Variants in PRKD1 observed in about 807,000 individuals in gnomAD.
PRKD1 encodes the protein protein kinase D1.
In PRKD1, 63 loss-of-function variants were observed where a neutral mutation model predicts 95.9. The ratio of observed to expected loss-of-function variants is 0.66; its 90% CI spans 0.54 to 0.81. The LOEUF is 0.81. PRKD1 is among the 30% of genes least tolerant of loss of function. The probability of loss-of-function intolerance (pLI) is 0.00; values close to 1 mark genes in which losing one functional copy is unlikely to be tolerated. For missense variants in PRKD1, 1,048 were observed against 1,165.3 expected, an observed-to-expected ratio of 0.90 and a Z score of 1.47; for synonymous variants, 425 against 423.1, an observed-to-expected ratio of 1.00 and a Z score of -0.05.
chr14:29,589,736 TTTTA>T (rs556971017), intron 16 of PRKD1, among the ~76,000 whole-genome samples: 300 of 152,272 alleles, frequency 2.0e-3, no homozygotes, highest in Non-Finnish European at 3.8e-3. Flanking sequence ...TGCCATGCCC[TTTTA>T]TTTTTATTAG....
intron 2 of PRKD1, among the ~76,000 whole-genome samples, chr14:29,667,194 G>A (rs1882571923): frequency 6.6e-6 from 1 of 152,068 alleles, no homozygotes; most frequent in Admixed American, 6.6e-5. Flanking sequence ...AGAAGACCTG[G>A]GGGAAGCCTG....
rs568905056 is a variant in PRKD1, at chr14:29,805,206, T to C, written c.265-79532A>G. Among the ~76,000 whole-genome samples, 429 of 152,350 alleles carry C rather than the reference T, an allele frequency of 2.8e-3. 3 individuals carry two copies. The highest frequency in any genetic ancestry group is 0.027 in the Middle Eastern group (8 of 294). On this transcript the variant is annotated intron_variant, in intron 1 of 17. Transcript: ENST00000331968. The stretch of plus-strand genomic sequence containing the variant: ...CTATTAATAGTAAGCAGGTGACACC[T>C]GCAGTAGCAAGATGTTGAACTCCAT...
chr14:29,594,245 C>A, intron 16 of PRKD1: 1 of 358,704 alleles, frequency 2.8e-6, no homozygotes, highest in African/African-American at 2.2e-5. Flanking sequence ...AAGATTGTAA[C>A]TTATAACATT....
chr14:29,756,308 T>C (rs903128841), intron 1 of PRKD1, among the ~76,000 whole-genome samples: 1 of 152,134 alleles, frequency 6.6e-6, no homozygotes, highest in African/African-American at 2.4e-5. Flanking sequence ...CCAAAGTCTG[T>C]TTGAAGTGTT....
chr14:29,830,867 T>C (rs186502969), intron 1 of PRKD1, among the ~76,000 whole-genome samples: 223 of 152,164 alleles, frequency 1.5e-3, no homozygotes, highest in African/African-American at 4.9e-3. Flanking sequence ...TAATTTTTTG[T>C]AGAAACGGGG....
chr14:29,925,880 G>T (rs1895277294), intron 1 of PRKD1, among the ~76,000 whole-genome samples: 1 of 152,178 alleles, frequency 6.6e-6, no homozygotes, highest in Non-Finnish European at 1.5e-5. Flanking sequence ...TGTATACAAG[G>T]CTTTCACAGT....
intron 4 of PRKD1, among the ~76,000 whole-genome samples, chr14:29,649,916 A>G (rs1400282196): frequency 6.6e-6 from 1 of 152,162 alleles, no homozygotes; most frequent in Non-Finnish European, 1.5e-5. Flanking sequence ...TGCTTAGAGC[A>G]TACAGCCTCT....
chr14:29,682,708 A>C (rs1883605565), intron 2 of PRKD1, among the ~76,000 whole-genome samples: 1 of 152,182 alleles, frequency 6.6e-6, no homozygotes, highest in African/African-American at 2.4e-5. Flanking sequence ...AAAATGTATA[A>C]ACACAATTAT....
At chr14:29,654,909 T>C (rs542620575) in intron 4 of PRKD1, among the ~76,000 whole-genome samples, 3 of 152,334 alleles carry the variant, frequency 2.0e-5, no homozygotes, top group African/African-American at 4.8e-5. Flanking sequence ...GAAAAGTCTG[T>C]TATCTTTTTG....
chr14:29,733,015 T>C (rs1477999689), intron 1 of PRKD1, among the ~76,000 whole-genome samples: 1 of 151,482 alleles, frequency 6.6e-6, no homozygotes, highest in Non-Finnish European at 1.5e-5. Flanking sequence ...ATTGTTTTTG[T>C]CTTTAGGGGA....
In PRKD1 at chr14:29,692,154, T is replaced by G. The variant is rs1884274087; in HGVS notation, c.404-25946A>C. ...GAGTTACCCCCCTTATAAAAGTGGGTCATTTTAGAAATGTAAAAATCTCTT... is the reference window on the plus strand; with the variant it reads ...GAGTTACCCCCCTTATAAAAGTGGGGCATTTTAGAAATGTAAAAATCTCTT... On this transcript the variant is annotated intron_variant, in intron 2 of 17. Coordinates refer to ENST00000331968, the MANE Select transcript of PRKD1 (RefSeq NM_002742.3). 2.6e-5 allele frequency among the ~76,000 whole-genome samples: 4 copies of G among 152,072 alleles called. No homozygotes were observed. In the South Asian group the frequency reaches 8.3e-4, roughly 31 times the overall value.
intron 1 of PRKD1, among the ~76,000 whole-genome samples, chr14:29,834,125 T>C (rs911033366): frequency 6.6e-6 from 1 of 152,192 alleles, no homozygotes; most frequent in African/African-American, 2.4e-5. Context: ...TTAATTTGTT[T>C]TAAATTACAC....
At chr14:29,594,481 C>G (rs1446598225) in intron 16 of PRKD1, among the ~76,000 whole-genome samples, 1 of 152,094 alleles carries the variant, frequency 6.6e-6, no homozygotes, top group Non-Finnish European at 1.5e-5. Flanking sequence ...CTCATTCAAT[C>G]TTTGTAAAAC....
At chr14:29,654,064 T>C (rs1256781684) in intron 4 of PRKD1, among the ~76,000 whole-genome samples, 1 of 152,120 alleles carries the variant, frequency 6.6e-6, no homozygotes, top group East Asian at 1.9e-4. Flanking sequence ...ATGTAAACTT[T>C]TACACTTTTG....
At chr14:29,595,507 C>T (rs1296674708) in intron 16 of PRKD1, among the ~76,000 whole-genome samples, 2 of 152,176 alleles carry the variant, frequency 1.3e-5, no homozygotes, top group East Asian at 3.9e-4. Context: ...TTTTGTATTA[C>T]CTACTGTGTA....
chr14:29,816,528 A>G (rs1339433711), intron 1 of PRKD1, among the ~76,000 whole-genome samples: 2 of 152,170 alleles, frequency 1.3e-5, no homozygotes, highest in Non-Finnish European at 2.9e-5. Flanking sequence ...TAAACTGGAG[A>G]GTTATTTGCT....
At chr14:29,648,083 G>T (rs1881246132) in intron 4 of PRKD1, among the ~76,000 whole-genome samples, 1 of 152,188 alleles carries the variant, frequency 6.6e-6, no homozygotes. Flanking sequence ...AAATATGTGG[G>T]AAAGAGATAA....
At chr14:29,743,137 A>G (rs1858518915) in intron 1 of PRKD1, among the ~76,000 whole-genome samples, 2 of 152,216 alleles carry the variant, frequency 1.3e-5, no homozygotes, top group South Asian at 2.1e-4. Context: ...TGCCTTTAAA[A>G]AAGGGCAGAA....
chr14:29,742,421 T>C (rs983688053), intron 1 of PRKD1, among the ~76,000 whole-genome samples: 1 of 152,224 alleles, frequency 6.6e-6, no homozygotes, highest in African/African-American at 2.4e-5. Flanking sequence ...GCAAAGGTTC[T>C]ATGCGTATCT....
Sources: allele counts gnomAD v4.1 joint callset (sites outside exome capture counted in the v4.1 genomes callset), GRCh38; gene constraint gnomAD v4.1.1; transcripts MANE v1.5; gene names NCBI Gene and HGNC (gene_info 2026-07-23, HGNC 2026-07-21).